The following OXNAD1 variants were observed in gnomAD, a reference collection of about 807,000 sequenced individuals.
The protein encoded by OXNAD1 is oxidoreductase NAD-binding domain-containing protein 1.
A neutral mutation model predicts 32.9 loss-of-function variants in OXNAD1; 34 were observed. The ratio of observed to expected loss-of-function variants is 1.03; its 90% CI spans 0.79 to 1.38. The LOEUF (loss-of-function observed/expected upper bound fraction) is 1.38. Ranked by LOEUF, OXNAD1 falls within the 40% of genes most tolerant of loss-of-function variation. OXNAD1 has a pLI of 0.00. For synonymous variants in OXNAD1, 134 were observed against 135.2 expected (o/e 0.99, Z 0.06); for missense variants, 407 against 379.4 (o/e 1.07, Z -0.60).
intron 4 of OXNAD1, among the ~76,000 whole-genome samples, chr3:16,283,601 T>A (rs1456234139): frequency 1.3e-5 from 2 of 151,672 alleles, no homozygotes; most frequent in African/African-American, 4.9e-5. Context: ...TTATGGGGAG[T>A]GTTGATGTCA....
chr3:16,339,607 A>G (rs894033040), downstream of OXNAD1: 2 of 152,206 alleles, frequency 1.3e-5, no homozygotes, highest in Non-Finnish European at 2.9e-5. Context: ...TGAAAAACCC[A>G]AAGTCCAGAA....
In OXNAD1 at chr3:16,314,179, C is replaced by T. The variant is rs1442693628; in HGVS notation, c.*30+10587C>T. On this transcript the variant is annotated intron_variant, in intron 9 of 9. Transcript: ENST00000435829. The surrounding 1 kb of genome is among the most constrained non-coding windows in gnomAD (Gnocchi z 4.4). ...AGTGCACAAGCTTCCTCATGCCAAA[C>T]CCTGTATGTCTTTGTGGCTTTTACT... Among the ~76,000 whole-genome samples, 5 of 152,080 alleles carry T rather than the reference C, an allele frequency of 3.3e-5. No individual in the cohort carries two copies. Among genetic ancestry groups the T allele is most frequent in the East Asian group, 1.9e-4 (1 of 5,166 alleles).
At position 16,346,100 on chromosome 3, in the gene OXNAD1, G is replaced by A. The variant is rs1156442869; in HGVS notation, c.*31-3076G>A. ...GATTGAAAAGGTTCCTATGATTTAG[G>A]GTCTTCCAGCACCCCTCAGGAAGCT... On this transcript the variant is annotated intron_variant, in intron 9 of 9. Coordinates refer to the OXNAD1 transcript ENST00000606098. The surrounding 1 kb of genome is among the most constrained non-coding windows in gnomAD (Gnocchi z 4.4). The A allele has an allele frequency of 2.0e-5, 3 of 151,982 alleles. No homozygotes were observed. Among genetic ancestry groups the A allele is most frequent in the Admixed American group, 6.6e-5 (1 of 15,248 alleles). 9.4% of individuals were successfully genotyped at this position (151,982 alleles called of 1,614,324 possible).
rs183456199 is a variant in OXNAD1 at position 16,283,876 on chromosome 3, A to T, written c.184-2466A>T. Among the ~76,000 whole-genome samples the T allele has an allele frequency of 4.0e-4, 57 of 142,942 alleles. No individual in the cohort carries two copies. In the East Asian group the frequency reaches 7.7e-3, roughly 19 times the overall value. The allele number at this position is 142,942 out of a possible 152,430, so 93.8% of individuals were successfully genotyped here. ...TCAGTGTGGAAAATACCAAATTCAG[A>T]GAGGTCAGGGAGGGTGAGAACTGAG... On this transcript the variant is annotated intron_variant, in intron 4 of 8. Transcript: ENST00000285083.
rs1338998153 is a variant in OXNAD1 at position 16,302,632 on chromosome 3, C to T, written c.676-8C>T. The T allele has an allele frequency of 3.1e-6, 5 of 1,589,714 alleles. No individual in the cohort carries two copies. The highest frequency in any genetic ancestry group is 3.4e-6 in the Non-Finnish European group (4 of 1,160,050). ...TTGTAGTGTGACCAAATATGTTTGACATTCCAGAAAAATATCCTTGATTTA... is the reference window on the plus strand; with the variant it reads ...TTGTAGTGTGACCAAATATGTTTGATATTCCAGAAAAATATCCTTGATTTA... On this transcript the variant is annotated splice_region_variant and splice_polypyrimidine_tract_variant and intron_variant, in intron 7 of 8. Coordinates refer to ENST00000285083, the MANE Select transcript of OXNAD1 (RefSeq NM_138381.5). This position sits in a 1 kb window ranked among gnomAD's most constrained non-coding sequence, Gnocchi z 4.2.
At position 16,271,289 on chromosome 3, in the gene OXNAD1, C is replaced by T. The variant is rs2064919985; in HGVS notation, c.119+218C>T. The T allele has an allele frequency of 1.7e-6, 1 of 579,676 alleles. No homozygotes were observed. The highest frequency in any genetic ancestry group is 3.4e-5 in the Admixed American group (1 of 29,792). 35.9% of individuals were successfully genotyped at this position (579,676 alleles called of 1,614,324 possible). ...CACGATCTTAGCTCACTGCAACCTC[C>T]ACCTCCTGGATTCAAGTGATTCTCC... On this transcript the variant is annotated intron_variant, in intron 3 of 8. Transcript: ENST00000285083. The surrounding 1 kb of genome is among the most constrained non-coding windows in gnomAD (Gnocchi z 4.6).
chr3:16,272,228 A>C, intron 4 of OXNAD1: 1 of 432,882 alleles, frequency 2.3e-6, no homozygotes, highest in Non-Finnish European at 4.6e-6. Flanking sequence ...TAATGTACAG[A>C]TTTTTTCCAC....
In OXNAD1 at chr3:16,297,505, T is replaced by C. The variant is rs2066882010; in HGVS notation, c.432+2508T>C. The stretch of plus-strand genomic sequence containing the variant: ...CCAGCAATACCACTTCTGAGTGTCT[T>C]AGAGAAATGAAGGCTATGTTTATAT... On this transcript the variant is annotated intron_variant, in intron 6 of 8. Transcript: ENST00000285083. This position sits in a 1 kb window ranked among gnomAD's most constrained non-coding sequence, Gnocchi z 4.3. Among the ~76,000 whole-genome samples the C allele has an allele frequency of 6.6e-6, 1 of 152,208 alleles. No individual in the cohort carries two copies. The highest frequency in any genetic ancestry group is 2.4e-5 in the African/African-American group (1 of 41,442).
intron 4 of OXNAD1, among the ~76,000 whole-genome samples, chr3:16,286,139 G>A (rs1336477298): frequency 6.6e-6 from 1 of 152,178 alleles, no homozygotes; most frequent in Non-Finnish European, 1.5e-5. Context: ...TAGTATGATA[G>A]CAAGTCTCTC....
intron 4 of OXNAD1, among the ~76,000 whole-genome samples, chr3:16,278,980 C>G (rs1287022345): frequency 6.6e-6 from 1 of 152,214 alleles, no homozygotes; most frequent in African/African-American, 2.4e-5. Context: ...CTATGCATGT[C>G]AAGGAGATTG....
In OXNAD1 at chr3:16,322,317, C is replaced by T. The variant is rs775721785; in HGVS notation, c.*31-14795C>T. ...AGTCACCATTGCTTTGGCACTCCTT[C>T]CACAAGTGGGCTCCCCCTGGAGTTG... On this transcript the variant is annotated intron_variant, in intron 9 of 9. Transcript: ENST00000435829. The surrounding 1 kb of genome is among the most constrained non-coding windows in gnomAD (Gnocchi z 6.2). Among the ~76,000 whole-genome samples, 8 of 152,240 alleles carry T rather than the reference C, an allele frequency of 5.3e-5. No individual in the cohort carries two copies. The highest frequency in any genetic ancestry group is 1.0e-4 in the Non-Finnish European group (7 of 68,044).
rs774116340 is a variant in OXNAD1, at chr3:16,284,449, A to G, written c.184-1893A>G. Among the ~76,000 whole-genome samples the G allele has an allele frequency of 2.0e-5, 3 of 152,232 alleles. No homozygotes were observed. The highest frequency in any genetic ancestry group is 4.4e-5 in the Non-Finnish European group (3 of 68,036). On this transcript the variant is annotated intron_variant, in intron 4 of 8. Transcript: ENST00000285083. This position sits in a 1 kb window ranked among gnomAD's most constrained non-coding sequence, Gnocchi z 4.1. ...ACACTTAGGCTAAATGGTATAGCCT[A>G]TTGTTCCTAGAGGACAAACCTATAT...
At chr3:16,308,670 A>C (rs183513092), downstream of OXNAD1, among the ~76,000 whole-genome samples, 2 of 152,288 alleles carry the variant, frequency 1.3e-5, no homozygotes, top group East Asian at 3.9e-4. The surrounding 1 kb of genome is among the most constrained non-coding windows in gnomAD (Gnocchi z 4.4). Flanking sequence ...TGACATGTAG[A>C]TACCTCCTAA....
chr3:16,271,514 T>A lies in OXNAD1; in HGVS notation c.120-145T>A. On this transcript the variant is annotated intron_variant, in intron 3 of 8. Coordinates refer to ENST00000285083, the MANE Select transcript of OXNAD1 (RefSeq NM_138381.5). This position sits in a 1 kb window ranked among gnomAD's most constrained non-coding sequence, Gnocchi z 4.6. ...CCACCATGCCCGGCCAAAACTTTAG[T>A]TAGACGGGCAGATACTCACTGGCCA... The A allele has an allele frequency of 1.5e-6, 1 of 670,240 alleles. No homozygotes were observed. The highest frequency in any genetic ancestry group is 2.3e-6 in the Non-Finnish European group (1 of 429,176). 41.5% of individuals were successfully genotyped at this position (670,240 alleles called of 1,614,324 possible).
Position 16,344,194 on chromosome 3 carries a change from A to G in OXNAD1, c.*31-4982A>G, listed in dbSNP as rs1000600521. Among the ~76,000 whole-genome samples the G allele has an allele frequency of 6.6e-6, 1 of 152,226 alleles. No homozygotes were observed. Among genetic ancestry groups the G allele is most frequent in the Non-Finnish European group, 1.5e-5 (1 of 68,046 alleles). Reference sequence around the variant, plus strand: ...TTAAATACAATTTGTTGATACTTAAATGTATTCCTATTACATTTTATTGGG... The same window carrying G: ...TTAAATACAATTTGTTGATACTTAAGTGTATTCCTATTACATTTTATTGGG... On this transcript the variant is annotated intron_variant, in intron 9 of 9. Coordinates refer to the OXNAD1 transcript ENST00000606098. The surrounding 1 kb of genome is among the most constrained non-coding windows in gnomAD (Gnocchi z 4.4).
rs754404457 is a variant in OXNAD1 at position 16,316,989 on chromosome 3, G to A, written c.*30+13397G>A. ...TCACCCTCCACACCCACCCCACACA[G>A]CAGGCCACCAGGGGACAGCTGTTCT... On this transcript the variant is annotated intron_variant, in intron 9 of 9. Transcript: ENST00000435829. The surrounding 1 kb of genome is among the most constrained non-coding windows in gnomAD (Gnocchi z 4.5). 1.2e-6 allele frequency: 2 copies of A among 1,613,302 alleles called. No individual in the cohort carries two copies. Among genetic ancestry groups the A allele is most frequent in the East Asian group, 2.2e-5 (1 of 44,776 alleles).
downstream of OXNAD1, chr3:16,350,306 G>A (rs572897671): frequency 3.3e-5 from 5 of 152,176 alleles, no homozygotes; most frequent in East Asian, 9.6e-4. Flanking sequence ...GTAATGCTGA[G>A]ATAATATCCT....
At chr3:16,311,223 T>A (rs1485333899) in intron 9 of OXNAD1, among the ~76,000 whole-genome samples, 1 of 150,916 alleles carries the variant, frequency 6.6e-6, no homozygotes, top group Admixed American at 6.6e-5. Context: ...AAACGGAGTC[T>A]TGCTCTGTCA....
Position 16,328,439 on chromosome 3 carries a change from G to A in OXNAD1, c.*31-8673G>A, listed in dbSNP as rs1367064565. ...TGGGCGAGTGGGATGGAAGGCAGAG[G>A]AGGAACAACCTACCTGCCCTGTCTC... On this transcript the variant is annotated intron_variant, in intron 9 of 9. Coordinates refer to the OXNAD1 transcript ENST00000435829. Among the ~76,000 whole-genome samples the A allele has an allele frequency of 2.6e-5, 4 of 152,234 alleles. No homozygotes were observed. The South Asian group carries it at 8.3e-4, about 32-fold the overall frequency.
Sources: allele counts gnomAD v4.1 joint callset (sites outside exome capture counted in the v4.1 genomes callset), GRCh38; gene constraint gnomAD v4.1.1; non-coding constraint Gnocchi (gnomAD v3.1); transcripts MANE v1.5; gene names NCBI Gene and HGNC (gene_info 2026-07-23, HGNC 2026-07-21).